Variants in SEMA4D observed in about 807,000 individuals in gnomAD.
SEMA4D encodes semaphorin 4D.
Under a neutral mutation model 74.8 loss-of-function variants are expected in SEMA4D, and 22 were observed. The ratio of observed to expected loss-of-function variants is 0.29; its 90% CI spans 0.21 to 0.42. The LOEUF (loss-of-function observed/expected upper bound fraction) is 0.42. Among genes scored for constraint, SEMA4D ranks in the 10% least tolerant of loss-of-function variants. The pLI is 1.00. For missense variants in SEMA4D, 937 were observed against 1,118.4 expected, an observed-to-expected ratio of 0.84 and a Z score of 2.31; for synonymous variants, 445 against 463.7, an observed-to-expected ratio of 0.96 and a Z score of 0.52.
intron 2 of SEMA4D, among the ~76,000 whole-genome samples, chr9:89,423,176 C>G (rs1847325161): frequency 6.7e-6 from 1 of 148,386 alleles, no homozygotes; most frequent in South Asian, 2.2e-4. Context: ...TACAAGTCAC[C>G]TAGCTCAAAC....
intron 2 of SEMA4D, among the ~76,000 whole-genome samples, chr9:89,443,263 A>T (rs4400479): frequency 0.95 from 144,084 of 152,246 alleles, 68,478 homozygotes; most frequent in Non-Finnish European, 1. Context: ...AGAAGAACGG[A>T]TGCCAGTGCT....
At chr9:89,391,129 G>A (rs575836088) in intron 9 of SEMA4D, 135 bp downstream of exon 9, 44 of 841,822 alleles carry the variant, frequency 5.2e-5, no homozygotes, top group Non-Finnish European at 3.7e-5. Flanking sequence ...GATCCATTGA[G>A]AGCTGCATCT....
chr9:89,384,401 A>G (rs1837928470), intron 13 of SEMA4D, among the ~76,000 whole-genome samples: 1 of 152,238 alleles, frequency 6.6e-6, no homozygotes, highest in Non-Finnish European at 1.5e-5. Flanking sequence ...TTACAAATGG[A>G]TAAATACTGT....
chr9:89,461,204 G>A (rs12347945), intron 1 of SEMA4D, among the ~76,000 whole-genome samples: 1,762 of 152,246 alleles, frequency 0.012, 35 homozygotes, highest in African/African-American at 0.041. Flanking sequence ...AAGGCTTAAG[G>A]TGGTGTGGAA....
intron 1 of SEMA4D, among the ~76,000 whole-genome samples, chr9:89,488,793 A>C (rs1042174989): frequency 2.6e-5 from 4 of 152,242 alleles, no homozygotes; most frequent in Admixed American, 2.6e-4. Flanking sequence ...AAAAAGCACA[A>C]ACCATTAAAA....
chr9:89,475,817 T>C (rs1442984562), intron 1 of SEMA4D, among the ~76,000 whole-genome samples: 2 of 152,142 alleles, frequency 1.3e-5, no homozygotes, highest in Non-Finnish European at 2.9e-5. Context: ...TGACCATGGC[T>C]TGCACAAATA....
intron 18 of SEMA4D, chr9:89,363,386 C>G: frequency 6.2e-7 from 1 of 1,602,256 alleles, no homozygotes; most frequent in Middle Eastern, 1.7e-4. Flanking sequence ...GTGCCCTGCC[C>G]CTGGCTCCAG....
At chr9:89,371,227 GTGTC>G (rs1180541660) in intron 16 of SEMA4D, among the ~76,000 whole-genome samples, 21 of 132,500 alleles carry the variant, frequency 1.6e-4, no homozygotes, top group Non-Finnish European at 3.4e-4. Flanking sequence ...GGTGTGGTGT[GTGTC>G]TGGGGTAGGG....
At chr9:89,416,558 C>T (rs1845759880) in intron 2 of SEMA4D, among the ~76,000 whole-genome samples, 1 of 152,164 alleles carries the variant, frequency 6.6e-6, no homozygotes, top group African/African-American at 2.4e-5. Flanking sequence ...CATGCACAAA[C>T]ACCAGGCACA....
intron 2 of SEMA4D, among the ~76,000 whole-genome samples, chr9:89,423,766 CCTCCCT>C (rs1847486502): frequency 7.2e-6 from 1 of 138,750 alleles, no homozygotes; most frequent in African/African-American, 2.5e-5. Context: ...CAGCACCTCC[CCTCCCT>C]CAGCTACTCC....
At chr9:89,380,478 T>A (rs1836783451) in intron 15 of SEMA4D, among the ~76,000 whole-genome samples, 1 of 152,194 alleles carries the variant, frequency 6.6e-6, no homozygotes, top group African/African-American at 2.4e-5. Context: ...ACTACAGGCG[T>A]GTACCACCAT....
intron 1 of SEMA4D, among the ~76,000 whole-genome samples, 192 bp downstream of exon 1, chr9:89,497,727 G>A (rs1231441589): frequency 6.6e-6 from 1 of 151,354 alleles, no homozygotes; most frequent in Non-Finnish European, 1.5e-5. Flanking sequence ...GGGGCCCCGG[G>A]GGGATCCAGG....
At chr9:89,455,212 G>A (rs1262772694) in intron 2 of SEMA4D, among the ~76,000 whole-genome samples, 2 of 152,260 alleles carry the variant, frequency 1.3e-5, no homozygotes, top group Admixed American at 6.5e-5. Context: ...GACAGGGCCC[G>A]TGTGGCCTGA....
At chr9:89,372,342 G>GGGTGT (rs1256707081), downstream of SEMA4D, among the ~76,000 whole-genome samples, 5 of 128,130 alleles carry the variant, frequency 3.9e-5, no homozygotes, top group African/African-American at 1.2e-4. Flanking sequence ...GTGTGTGGGG[G>GGGTGT]GGTGTGGTGT....
chr9:89,489,394 G>A (rs1207320366), intron 1 of SEMA4D, among the ~76,000 whole-genome samples: 2 of 152,108 alleles, frequency 1.3e-5, no homozygotes, highest in African/African-American at 2.4e-5. Flanking sequence ...ATTTTAAAGC[G>A]TATAATCCAG....
At chr9:89,362,468 G>C (rs1338545503) in intron 18 of SEMA4D, 4 of 1,613,986 alleles carry the variant, frequency 2.5e-6, no homozygotes, top group Non-Finnish European at 2.5e-6. Flanking sequence ...TGGTGGAACG[G>C]ATGGGCCTTT....
chr9:89,462,979 CGAGG>C (rs1857688014), intron 1 of SEMA4D, among the ~76,000 whole-genome samples: 3 of 142,552 alleles, frequency 2.1e-5, no homozygotes, highest in Non-Finnish European at 3.1e-5. Context: ...GGGAGGGGAG[CGAGG>C]GAGAAAGAGA....
chr9:89,467,757 T>G (rs540615374), intron 1 of SEMA4D, among the ~76,000 whole-genome samples: 2 of 152,150 alleles, frequency 1.3e-5, no homozygotes, highest in Non-Finnish European at 2.9e-5. Context: ...GTCTTGAACT[T>G]CTGACCTTGT....
At chr9:89,443,521 T>A (rs1166299597) in intron 2 of SEMA4D, among the ~76,000 whole-genome samples, 1 of 152,146 alleles carries the variant, frequency 6.6e-6, no homozygotes, top group African/African-American at 2.4e-5. Context: ...CACCCGCCCA[T>A]AATAGCCACC....
Sources: gnomAD v4.1 joint callset for allele counts (sites outside exome capture counted in the v4.1 genomes callset) on GRCh38, gnomAD v4.1.1 for gene constraint, MANE v1.5 for transcripts, NCBI Gene and HGNC (gene_info 2026-07-23, HGNC 2026-07-21) for gene names.